Variants in ENAM observed in about 807,000 individuals in gnomAD.
The protein encoded by ENAM is amelogenesis imperfecta 2, hypocalcification (autosomal dominant).
ENAM carries 21 observed loss-of-function variants against 33.6 expected under a neutral mutation model. The ratio of observed to expected loss-of-function variants is 0.63; its 90% CI spans 0.44 to 0.90. The LOEUF is 0.90. Among genes scored for constraint, ENAM ranks in the 40% least tolerant of loss-of-function variants. The pLI is 0.00. For synonymous variants in ENAM, 473 were observed against 468.4 expected (o/e 1.01, Z -0.13); for missense variants, 1,388 against 1,366.9 (o/e 1.02, Z -0.24).
Position 70,642,172 on chromosome 4 carries a change from C to G in ENAM, c.746C>G (p.Thr249Ser), listed in dbSNP as rs1738614730. The G allele has an allele frequency of 6.2e-7, 1 of 1,614,174 alleles. No homozygotes were observed. The highest frequency in any genetic ancestry group is 8.5e-7 in the Non-Finnish European group (1 of 1,180,038). ...GTEPTANSTV[T>S]ETNSTQPNPK... ...GAACCCACAGCTAATTCAACAGTCACTGAGACGAATTCTACCCAACCAAAT... is the reference window on the plus strand; with the variant it reads ...GAACCCACAGCTAATTCAACAGTCAGTGAGACGAATTCTACCCAACCAAAT... Residue 249 changes from threonine (T) to serine (S), a missense_variant, in exon 9 of 9, where the codon ACT (threonine) becomes AGT (serine). Coordinates refer to ENST00000396073, the MANE Select transcript of ENAM (RefSeq NM_031889.3).
At position 70,642,547 on chromosome 4, in the gene ENAM, C is replaced by T. The variant is rs566662520; in HGVS notation, c.1121C>T (p.Pro374Leu). The change falls in exon 9 of 9, where the codon CCA becomes CTA. Residue 374 changes from proline to leucine, a missense_variant. Coordinates refer to ENST00000396073, the MANE Select transcript of ENAM (RefSeq NM_031889.3). Reference protein sequence around the residue: ...FAWERKQVARPGNPVYHKAYP... With the variant: ...FAWERKQVARLGNPVYHKAYP... ...TGGGAACGTAAACAAGTAGCTCGTC[C>T]AGGAAATCCAGTTTATCACAAAGCT... 2 of 1,614,018 alleles carry T rather than the reference C, an allele frequency of 1.2e-6. No individual in the cohort carries two copies. The highest frequency in any genetic ancestry group is 1.7e-6 in the Non-Finnish European group (2 of 1,179,980).
chr4:70,636,354 G>T (rs1341016675), intron 7 of ENAM, among the ~76,000 whole-genome samples: 1 of 152,100 alleles, frequency 6.6e-6, no homozygotes, highest in Non-Finnish European at 1.5e-5. Context: ...GAATCTTGGG[G>T]CTGGGCAAGG....
intron 7 of ENAM, 84 bp downstream of exon 7, chr4:70,635,978 C>A: frequency 1.4e-6 from 1 of 736,768 alleles, no homozygotes; most frequent in Non-Finnish European, 2.3e-6. Context: ...TTCATACATT[C>A]TAATGGAATA....
In ENAM at chr4:70,644,200, C is replaced by G; in HGVS notation, c.2774C>G (p.Pro925Arg). 1.9e-6 allele frequency: 3 copies of G among 1,614,090 alleles called. No individual in the cohort carries two copies. Among genetic ancestry groups the G allele is most frequent in the Non-Finnish European group, 1.7e-6 (2 of 1,180,000 alleles). The stretch of plus-strand genomic sequence containing the variant: ...AAGCAGACAAGAGATATCATCTCCC[C>G]AACAAGCATCCTACCAGGCCAAAGA... ...HTKQTRDIIS[P>R]TSILPGQRNS... The change falls in exon 9 of 9, where the codon CCA becomes CGA. Residue 925 changes from proline (P) to arginine (R), a missense_variant. Pro to Arg is a moderately radical substitution (Grantham distance 103, BLOSUM62 -2). Coordinates refer to ENST00000396073, the MANE Select transcript of ENAM (RefSeq NM_031889.3).
chr4:70,635,974 C>T, intron 7 of ENAM, 80 bp downstream of exon 7: 2 of 765,582 alleles, frequency 2.6e-6, no homozygotes, highest in South Asian at 3.4e-5. Flanking sequence ...TAAATTCATA[C>T]ATTCTAATGG....
At position 70,644,535 on chromosome 4, in the gene ENAM, G is replaced by A. The variant is rs1738704887; in HGVS notation, c.3109G>A (p.Val1037Ile). 1 of 1,613,990 alleles carries A rather than the reference G, an allele frequency of 6.2e-7. No homozygotes were observed. Residue 1037 changes from valine (V) to isoleucine (I), a missense_variant, in exon 9 of 9, where the codon GTC (valine) becomes ATC (isoleucine). Coordinates refer to ENST00000396073, the MANE Select transcript of ENAM (RefSeq NM_031889.3). ...GSNPEGIQSQ[V>I]QENESERQQQ... ...CAATCCAGAAGGCATCCAAAGTCAA[G>A]TCCAAGAAAATGAGAGTGAGAGGCA...
rs765424278 is a variant in ENAM, at chr4:70,635,913, T to A, written c.534+19T>A. 1.8e-5 allele frequency: 26 copies of A among 1,419,498 alleles called. No individual in the cohort carries two copies. Among genetic ancestry groups the A allele is most frequent in the Non-Finnish European group, 2.5e-5 (25 of 1,006,240 alleles). The allele number at this position is 1,419,498 out of a possible 1,614,324, so 87.9% of individuals were successfully genotyped here. A position where few individuals can be genotyped will look rare whatever the true frequency, so the allele number is the denominator to read the frequency against. ...TCCACAGGTGAGAAATTTTTTTTTCTTTACACTGTAAGTGAAAAATAATAT... is the reference window on the plus strand; with the variant it reads ...TCCACAGGTGAGAAATTTTTTTTTCATTACACTGTAAGTGAAAAATAATAT... On this transcript the variant is annotated intron_variant, in intron 7 of 8. Coordinates refer to ENST00000396073, the MANE Select transcript of ENAM (RefSeq NM_031889.3).
chr4:70,631,380 TTCTCTCTCTCTCTG>T (rs1302830592), intron 2 of ENAM, among the ~76,000 whole-genome samples: 3 of 151,488 alleles, frequency 2.0e-5, no homozygotes, highest in Non-Finnish European at 4.4e-5. Context: ...ATCTCTCTCT[TTCTCTCTCTCTCTG>T]TCTCTCTCTC....
At chr4:70,635,013 A>G (rs1171948608) in intron 6 of ENAM, among the ~76,000 whole-genome samples, 1 of 152,192 alleles carries the variant, frequency 6.6e-6, no homozygotes, top group African/African-American at 2.4e-5. Flanking sequence ...CAGTACTAGT[A>G]TGACATAAGG....
chr4:70,641,305 A>G (rs993775059), intron 8 of ENAM, among the ~76,000 whole-genome samples: 15 of 152,132 alleles, frequency 9.9e-5, no homozygotes, highest in Admixed American at 3.3e-4. Context: ...AGTTGTTAGC[A>G]GTCTATGCCT....
rs780937574 is a variant in ENAM at position 70,642,143 on chromosome 4, C to T, written c.717C>T (p.Gly239=). ...ATCCTCCTAAAGCAGAAAGTCCAGG[C>T]ACAGAACCCACAGCTAATTCAACAG... The part of the protein sequence containing the change: ...EEDPPKAESP[G]TEPTANSTVT... The change falls in exon 9 of 9, where the codon GGC becomes GGT. Residue 239 remains glycine, a synonymous_variant. Transcript: ENST00000396073. 9.3e-6 allele frequency: 15 copies of T among 1,614,134 alleles called. 1 individual carries two copies. In the South Asian group the frequency reaches 1.6e-4, roughly 18 times the overall value.
intron 5 of ENAM, among the ~76,000 whole-genome samples, chr4:70,633,943 C>A (rs1333730191): frequency 6.6e-6 from 1 of 152,018 alleles, no homozygotes; most frequent in Non-Finnish European, 1.5e-5. Flanking sequence ...CTTCATCCAG[C>A]CTTATAACAA....
intron 7 of ENAM, 106 bp from the exon 8 acceptor site, chr4:70,637,684 G>A: frequency 1.2e-6 from 1 of 843,426 alleles, no homozygotes; most frequent in South Asian, 1.3e-5. Context: ...TACTAACTGA[G>A]CTCAATCATT....
chr4:70,631,789 A>G, intron 3 of ENAM, 51 bp downstream of exon 3: 1 of 1,604,870 alleles, frequency 6.2e-7, no homozygotes, highest in East Asian at 2.2e-5. Context: ...GTTAGGAACA[A>G]TTGTTGAGCT....
At position 70,643,680 on chromosome 4, in the gene ENAM, G is replaced by A. The variant is rs769115693; in HGVS notation, c.2254G>A (p.Ala752Thr). ...CAGGGGCTACTACGTTAATAATGCC[G>A]CTGGACCAGAAGAAAGCACTCTATT... ...ESRGYYVNNA[A>T]GPEESTLFPS... Residue 752 changes from alanine to threonine, a missense_variant, in exon 9 of 9, where the codon GCT becomes ACT. By Grantham distance (58) the Ala-to-Thr change is moderately conservative. Coordinates refer to ENST00000396073, the MANE Select transcript of ENAM (RefSeq NM_031889.3). The A allele has an allele frequency of 5.3e-5, 85 of 1,613,952 alleles. No individual in the cohort carries two copies. In the South Asian group the frequency reaches 5.8e-4, roughly 11 times the overall value.
chr4:70,643,999 C>T lies in ENAM; in HGVS notation c.2573C>T (p.Ser858Leu), dbSNP rs774203624. 1.2e-6 allele frequency: 2 copies of T among 1,614,032 alleles called. No homozygotes were observed. Among genetic ancestry groups the T allele is most frequent in the Non-Finnish European group, 8.5e-7 (1 of 1,180,010 alleles). Residue 858 changes from serine (S) to leucine (L), a missense_variant, in exon 9 of 9, where the codon TCA (serine) becomes TTA (leucine). Physicochemically the swap from Ser to Leu is moderately radical, Grantham distance 145. Transcript: ENST00000396073. ...FPNFIPPSYP[S>L]GQKEAHLFHL... ...AACTTCATCCCACCAAGTTACCCAT[C>T]AGGTCAAAAAGAAGCACATTTATTT...
At position 70,635,809 on chromosome 4, in the gene ENAM, T is replaced by G. The variant is rs763946636; in HGVS notation, c.472-23T>G. ...TGTATTCTTTTCAATACCACATCAC[T>G]CTGATTCTTTCTTTCTCTCTAGGCA... is the stretch of plus-strand genomic sequence containing the variant. On this transcript the variant is annotated intron_variant, in intron 6 of 8. Transcript: ENST00000396073. 7 of 1,493,720 alleles carry G rather than the reference T, an allele frequency of 4.7e-6. No individual in the cohort carries two copies. In the South Asian group the frequency reaches 7.9e-5, roughly 17 times the overall value. The allele number at this position is 1,493,720 out of a possible 1,614,324, so 92.5% of individuals were successfully genotyped here.
At position 70,637,837 on chromosome 4, in the gene ENAM, A is replaced by G. The variant is rs1374477490; in HGVS notation, c.582A>G (p.Glu194=). Reference sequence around the variant, plus strand: ...GACGCCCACCAATCAGCAATGAAGAAGGGGGGGTAAGTACAAGTAAAACTA... The same window carrying G: ...GACGCCCACCAATCAGCAATGAAGAGGGGGGGGTAAGTACAAGTAAAACTA... ...GYGRPPISNE[E]GGNPYFGYFG... The change falls in exon 8 of 9, where the codon GAA becomes GAG. Residue 194 remains glutamate, a synonymous_variant. Transcript: ENST00000396073. The G allele has an allele frequency of 6.2e-7, 1 of 1,610,936 alleles. No individual in the cohort carries two copies. The highest frequency in any genetic ancestry group is 8.5e-7 in the Non-Finnish European group (1 of 1,177,070).
In ENAM at chr4:70,644,509, C is replaced by T. The variant is rs1033648838; in HGVS notation, c.3083C>T (p.Ser1028Phe). The change falls in exon 9 of 9, where the codon TCC (serine) becomes TTC (phenylalanine). Residue 1028 changes from serine to phenylalanine, a missense_variant. Physicochemically the swap from Ser to Phe is radical, Grantham distance 155. Transcript: ENST00000396073. Reference protein sequence around the residue: ...QLVIGTPDEGSNPEGIQSQVQ... With the variant: ...QLVIGTPDEGFNPEGIQSQVQ... Reference sequence around the variant, plus strand: ...GTTATTGGTACACCTGATGAAGGCTCCAATCCAGAAGGCATCCAAAGTCAA... The same window carrying T: ...GTTATTGGTACACCTGATGAAGGCTTCAATCCAGAAGGCATCCAAAGTCAA... The T allele has an allele frequency of 6.2e-7, 1 of 1,614,106 alleles. No homozygotes were observed. Among genetic ancestry groups the T allele is most frequent in the African/African-American group, 1.3e-5 (1 of 75,024 alleles).
Sources: gnomAD v4.1 joint callset for allele counts (sites outside exome capture counted in the v4.1 genomes callset) on GRCh38, gnomAD v4.1.1 for gene constraint, MANE v1.5 for transcripts, NCBI Gene and HGNC (gene_info 2026-07-23, HGNC 2026-07-21) for gene names.